MAML3: variants seen among roughly 807,000 people sequenced by gnomAD.
The protein encoded by MAML3 is mastermind-like protein 3.
In MAML3, 27 loss-of-function variants were observed where a neutral mutation model predicts 101.9. The observed-to-expected ratio is 0.27, with a 90% CI of 0.20 to 0.37. The LOEUF is 0.37. Ranked by LOEUF, MAML3 falls within the 10% of genes least tolerant of loss-of-function variation. The pLI, the probability that MAML3 is intolerant of heterozygous loss-of-function variation, is 1.00. For synonymous variants in MAML3, 501 were observed against 555.9 expected, an observed-to-expected ratio of 0.90 and a Z score of 1.39; for missense variants, 1,316 against 1,444.9, an observed-to-expected ratio of 0.91 and a Z score of 1.45.
intron 1 of MAML3, among the ~76,000 whole-genome samples, chr4:139,990,652 C>T (rs1303765778): frequency 2.6e-5 from 4 of 151,740 alleles, no homozygotes; most frequent in Non-Finnish European, 4.4e-5. Flanking sequence ...CTAGAAAACC[C>T]CATCGTCTCA....
intron 2 of MAML3, among the ~76,000 whole-genome samples, chr4:139,854,421 C>T (rs1404351290): frequency 6.7e-6 from 1 of 148,934 alleles, no homozygotes. Context: ...AGTCAATTTC[C>T]CCCCACATTC....
At chr4:140,000,515 A>C (rs1209898465) in intron 1 of MAML3, among the ~76,000 whole-genome samples, 1 of 152,164 alleles carries the variant, frequency 6.6e-6, no homozygotes, top group Non-Finnish European at 1.5e-5. Flanking sequence ...CAACCAGAAA[A>C]ATGGCCCAGA....
chr4:140,088,888 G>T (rs537311661), intron 1 of MAML3, among the ~76,000 whole-genome samples: 2 of 152,142 alleles, frequency 1.3e-5, no homozygotes, highest in African/African-American at 4.8e-5. Flanking sequence ...CCCACAGTTC[G>T]GTGCTTTCAG....
chr4:139,992,293 G>T (rs1295473971), intron 1 of MAML3, among the ~76,000 whole-genome samples: 1 of 152,116 alleles, frequency 6.6e-6, no homozygotes, highest in African/African-American at 2.4e-5. Context: ...ATTCTGTTAT[G>T]AACATTTGTG....
chr4:140,129,051 C>A (rs938336549), intron 1 of MAML3, among the ~76,000 whole-genome samples: 5 of 152,050 alleles, frequency 3.3e-5, no homozygotes, highest in Admixed American at 2.6e-4. Context: ...CCTGTTCCAC[C>A]ATTCATTAAC....
At chr4:139,855,684 TC>T (rs1731646562) in intron 2 of MAML3, among the ~76,000 whole-genome samples, 1 of 152,210 alleles carries the variant, frequency 6.6e-6, no homozygotes, top group South Asian at 2.1e-4. Context: ...ATATACATTA[TC>T]TCATCTTTAT....
chr4:139,950,737 A>T (rs1160449685), intron 1 of MAML3, among the ~76,000 whole-genome samples: 1 of 152,166 alleles, frequency 6.6e-6, no homozygotes, highest in Non-Finnish European at 1.5e-5. Context: ...AGCTACAAAG[A>T]CATACAGCCT....
At chr4:139,963,350 C>T (rs780776587) in intron 1 of MAML3, among the ~76,000 whole-genome samples, 1 of 152,062 alleles carries the variant, frequency 6.6e-6, no homozygotes, top group Non-Finnish European at 1.5e-5. Flanking sequence ...TAGAATGGTC[C>T]CCAAGATTGT....
intron 1 of MAML3, among the ~76,000 whole-genome samples, chr4:140,088,501 TC>T (rs1183116355): frequency 6.6e-6 from 1 of 152,212 alleles, no homozygotes; most frequent in Non-Finnish European, 1.5e-5. Context: ...GTTTGGGCCT[TC>T]CTCATTTCTG....
At chr4:140,012,728 T>G (rs1726582281) in intron 1 of MAML3, among the ~76,000 whole-genome samples, 1 of 152,180 alleles carries the variant, frequency 6.6e-6, no homozygotes, top group Non-Finnish European at 1.5e-5. Context: ...CCTCTTGAGG[T>G]CTAGGTTCTA....
rs148931975 is a variant in MAML3, at chr4:140,038,805, C to T, written c.468+114055G>A. 7.7e-4 allele frequency among the ~76,000 whole-genome samples: 118 copies of T among 152,260 alleles called. 1 individual carries two copies. Among genetic ancestry groups the T allele is most frequent in the East Asian group, 1.4e-3 (7 of 5,176 alleles). On this transcript the variant is annotated intron_variant, in intron 1 of 4. Coordinates refer to ENST00000509479, the MANE Select transcript of MAML3 (RefSeq NM_018717.5). Reference sequence around the variant, plus strand: ...GGTGCTTGTGAAATGACAGCTGCAACGACAGGGCAACTTCTGCATATACAG... The same window carrying T: ...GGTGCTTGTGAAATGACAGCTGCAATGACAGGGCAACTTCTGCATATACAG...
intron 1 of MAML3, among the ~76,000 whole-genome samples, chr4:140,060,038 A>C (rs1318180096): frequency 6.6e-6 from 1 of 152,144 alleles, no homozygotes; most frequent in African/African-American, 2.4e-5. Flanking sequence ...GTTTGCAAGG[A>C]CATCAAAACA....
intron 1 of MAML3, among the ~76,000 whole-genome samples, chr4:140,011,741 C>T (rs188967075): frequency 1.2e-4 from 18 of 152,162 alleles, no homozygotes; most frequent in African/African-American, 3.9e-4. Flanking sequence ...ATACATCTAA[C>T]CTCTCTGCCT....
chr4:139,810,803 C>G (rs1730783760), intron 2 of MAML3, among the ~76,000 whole-genome samples: 1 of 152,148 alleles, frequency 6.6e-6, no homozygotes, highest in Non-Finnish European at 1.5e-5. Flanking sequence ...AGCTAATATT[C>G]CTTCTCTTCA....
chr4:140,064,141 T>C lies in MAML3; in HGVS notation c.468+88719A>G, dbSNP rs61344132. On this transcript the variant is annotated intron_variant, in intron 1 of 4. Coordinates refer to ENST00000509479, the MANE Select transcript of MAML3 (RefSeq NM_018717.5). Reference sequence around the variant, plus strand: ...TAAACTTTGTATTTTAATAATTTGGTTCTAATCCATATTTAATCACATAAA... The same window carrying C: ...TAAACTTTGTATTTTAATAATTTGGCTCTAATCCATATTTAATCACATAAA... Among the ~76,000 whole-genome samples the C allele has an allele frequency of 2.0e-5, 3 of 152,350 alleles. No homozygotes were observed. The East Asian group carries it at 5.8e-4, about 29-fold the overall frequency.
Position 140,000,589 on chromosome 4 carries a change from G to A in MAML3, c.469-109622C>T, listed in dbSNP as rs1734905165. On this transcript the variant is annotated intron_variant, in intron 1 of 4. Transcript: ENST00000509479. ...ACATCAAAACCAAACTATAGGGCCA[G>A]TTACCCAAACCTTTATCCCAGCCCA... Among the ~76,000 whole-genome samples, 7 of 152,282 alleles carry A rather than the reference G, an allele frequency of 4.6e-5. No homozygotes were observed. The South Asian group carries it at 1.2e-3, about 27-fold the overall frequency.
At chr4:140,106,013 C>T (rs1235682787) in intron 1 of MAML3, among the ~76,000 whole-genome samples, 1 of 150,632 alleles carries the variant, frequency 6.6e-6, no homozygotes, top group African/African-American at 2.4e-5. Context: ...CTAATAATTC[C>T]ATCACTCTGC....
chr4:139,728,749 G>A (rs1728579854), intron 3 of MAML3, among the ~76,000 whole-genome samples: 2 of 152,134 alleles, frequency 1.3e-5, no homozygotes, highest in African/African-American at 4.8e-5. Context: ...CTCCTTGTCT[G>A]GGGGCATCAT....
At chr4:139,810,116 G>A (rs578178586) in intron 2 of MAML3, among the ~76,000 whole-genome samples, 30 of 150,394 alleles carry the variant, frequency 2.0e-4, no homozygotes, top group African/African-American at 7.3e-4. Context: ...TTTTTGACTT[G>A]TGATTTCCAA....
Sources: allele counts gnomAD v4.1 joint callset (sites outside exome capture counted in the v4.1 genomes callset), GRCh38; gene constraint gnomAD v4.1.1; transcripts MANE v1.5; gene names NCBI Gene and HGNC (gene_info 2026-07-23, HGNC 2026-07-21).